Variants in PTPRD observed in about 807,000 individuals in gnomAD.
PTPRD encodes protein tyrosine phosphatase receptor type D.
A neutral mutation model predicts 214.5 loss-of-function variants in PTPRD; 34 were observed. That is an observed-to-expected ratio of 0.16 (90% CI 0.12 to 0.21). PTPRD has a LOEUF of 0.21. Among genes scored for constraint, PTPRD ranks in the 10% least tolerant of loss-of-function variants. PTPRD has a pLI of 1.00. For missense variants in PTPRD, 2,545 were observed against 2,398.7 expected, an observed-to-expected ratio of 1.06 and a Z score of -1.27; for synonymous variants, 1,128 against 845.7, an observed-to-expected ratio of 1.33 and a Z score of -5.79.
chr9:9,216,699 G>A (rs1249738045), intron 9 of PTPRD, among the ~76,000 whole-genome samples: 1 of 152,020 alleles, frequency 6.6e-6, no homozygotes, highest in African/African-American at 2.4e-5. Flanking sequence ...CCTCTGTTTT[G>A]TGCCTTATCT....
At chr9:8,916,347 T>G (rs1349666387) in intron 11 of PTPRD, among the ~76,000 whole-genome samples, 1 of 152,068 alleles carries the variant, frequency 6.6e-6, no homozygotes, top group Non-Finnish European at 1.5e-5. Flanking sequence ...TATGACTGGA[T>G]CAGAAACATG....
intron 9 of PTPRD, among the ~76,000 whole-genome samples, chr9:9,217,994 C>T (rs778825221): frequency 6.6e-5 from 10 of 152,062 alleles, no homozygotes; most frequent in Non-Finnish European, 1.3e-4. Context: ...ACAGTTATGC[C>T]GTTCATGTTC....
At chr9:8,611,090 A>G (rs1281485429) in intron 14 of PTPRD, among the ~76,000 whole-genome samples, 1 of 152,266 alleles carries the variant, frequency 6.6e-6, no homozygotes, top group Non-Finnish European at 1.5e-5. Context: ...TAACATATCC[A>G]AAAGATTACA....
At position 9,757,805 on chromosome 9, in the gene PTPRD, T is replaced by C. The variant is rs1379319276; in HGVS notation, c.-326+9005A>G. Among the ~76,000 whole-genome samples, 3 of 152,126 alleles carry C rather than the reference T, an allele frequency of 2.0e-5. No individual in the cohort carries two copies. The East Asian group carries it at 5.8e-4, about 29-fold the overall frequency. On this transcript the variant is annotated intron_variant, in intron 6 of 45. Coordinates refer to ENST00000381196, the MANE Select transcript of PTPRD (RefSeq NM_002839.4). ...AGCCATCCTTCCAAAAATATGTATA[T>C]ACTTTTAACCATCTTACTCATCATA...
chr9:9,877,934 T>G (rs1019388585), intron 5 of PTPRD, among the ~76,000 whole-genome samples: 1 of 145,380 alleles, frequency 6.9e-6, no homozygotes, highest in Non-Finnish European at 1.5e-5. Context: ...GATCACGCCA[T>G]TGCACTCCAA....
At chr9:10,416,130 T>G (rs866929513) in intron 2 of PTPRD, among the ~76,000 whole-genome samples, 1 of 151,516 alleles carries the variant, frequency 6.6e-6, no homozygotes, top group African/African-American at 2.4e-5. Flanking sequence ...GGCGGATCAC[T>G]TGAGGTCAGG....
intron 9 of PTPRD, among the ~76,000 whole-genome samples, chr9:9,258,469 T>C (rs915853329): frequency 6.6e-6 from 1 of 151,944 alleles, no homozygotes; most frequent in Non-Finnish European, 1.5e-5. Context: ...GATGCGAGTT[T>C]TTTGAAAAAT....
intron 6 of PTPRD, among the ~76,000 whole-genome samples, chr9:9,762,586 G>A (rs2098668339): frequency 6.6e-6 from 1 of 152,122 alleles, no homozygotes; most frequent in Non-Finnish European, 1.5e-5. Context: ...TTGCTCATAA[G>A]TTCCACAAAA....
chr9:8,564,205 G>A (rs1367608387), intron 14 of PTPRD, among the ~76,000 whole-genome samples: 2 of 152,066 alleles, frequency 1.3e-5, no homozygotes, highest in East Asian at 3.9e-4. Context: ...GTTAGCTAAT[G>A]TAAGTATTCT....
intron 2 of PTPRD, among the ~76,000 whole-genome samples, chr9:10,413,405 A>C (rs547548838): frequency 1.0e-3 from 157 of 152,056 alleles, no homozygotes; most frequent in African/African-American, 3.6e-3. Flanking sequence ...CTCACGAGGG[A>C]TGTAAAAGAT....
chr9:9,492,035 C>A (rs1321824263), intron 8 of PTPRD, among the ~76,000 whole-genome samples: 1 of 151,562 alleles, frequency 6.6e-6, no homozygotes, highest in Non-Finnish European at 1.5e-5. Flanking sequence ...ACATAAATTA[C>A]TAAAATGAGA....
At chr9:8,677,571 T>C (rs1021686635) in intron 12 of PTPRD, among the ~76,000 whole-genome samples, 1 of 152,172 alleles carries the variant, frequency 6.6e-6, no homozygotes, top group Admixed American at 6.5e-5. Context: ...AATCAGGTAT[T>C]ATCTGAGTGA....
chr9:8,830,197 G>T (rs1201927924), intron 11 of PTPRD, among the ~76,000 whole-genome samples: 1 of 152,114 alleles, frequency 6.6e-6, no homozygotes, highest in Admixed American at 6.6e-5. Context: ...CCTGCTCAAG[G>T]TCTCACAGCT....
intron 11 of PTPRD, among the ~76,000 whole-genome samples, chr9:9,009,621 GAAAC>G (rs1205288572): frequency 6.6e-6 from 1 of 151,772 alleles, no homozygotes; most frequent in African/African-American, 2.4e-5. Context: ...TTAGAAATAA[GAAAC>G]AAGTAGAATG....
chr9:9,684,687 C>T (rs926552272), intron 7 of PTPRD, among the ~76,000 whole-genome samples: 7 of 149,542 alleles, frequency 4.7e-5, no homozygotes, highest in African/African-American at 1.5e-4. Flanking sequence ...CATTGAAATA[C>T]AGCATTTGTG....
chr9:9,774,379 T>C (rs572942824), intron 5 of PTPRD, among the ~76,000 whole-genome samples: 1 of 152,154 alleles, frequency 6.6e-6, no homozygotes. Context: ...AGTGCACTGG[T>C]GAAAGTGCAA....
intron 5 of PTPRD, chr9:9,799,424 C>G (rs371250465): frequency 6.6e-6 from 1 of 152,152 alleles, no homozygotes; most frequent in Admixed American, 6.5e-5. Context: ...TTTTGAAGCC[C>G]TAAGGGTAGA....
intron 4 of PTPRD, among the ~76,000 whole-genome samples, chr9:9,958,985 A>T (rs539255899): frequency 6.6e-6 from 1 of 152,200 alleles, no homozygotes; most frequent in South Asian, 2.1e-4. Context: ...AAAATCAAAC[A>T]ATCTTGCTCC....
chr9:8,484,429 A>G (rs1194215726), intron 29 of PTPRD, 51 bp from the exon 30 acceptor site: 8 of 1,553,348 alleles, frequency 5.2e-6, no homozygotes, highest in Non-Finnish European at 7.0e-6. Context: ...GAGAGGCAAA[A>G]TATATTTTCT....
Sources: allele counts gnomAD v4.1 joint callset (sites outside exome capture counted in the v4.1 genomes callset), GRCh38; gene constraint gnomAD v4.1.1; transcripts MANE v1.5; gene names NCBI Gene and HGNC (gene_info 2026-07-23, HGNC 2026-07-21).